DACH2: variants seen among roughly 807,000 people sequenced by gnomAD.
DACH2 encodes dachshund family transcription factor 2.
In DACH2, 17 loss-of-function variants were observed where a neutral mutation model predicts 35.8. The ratio of observed to expected loss-of-function variants is 0.48; its 90% CI spans 0.33 to 0.71. The LOEUF (loss-of-function observed/expected upper bound fraction) is 0.71. Ranked by LOEUF, DACH2 falls within the 30% of genes least tolerant of loss-of-function variation. DACH2 has a pLI of 0.02. For missense variants in DACH2, 469 were observed against 472.7 expected (o/e 0.99, Z 0.07); for synonymous variants, 195 against 177.3 (o/e 1.10, Z -0.79).
intron 2 of DACH2, among the ~76,000 whole-genome samples, chrX:86,452,749 T>A (rs1228380137): frequency 9.0e-6 from 1 of 111,232 alleles, no homozygotes; most frequent in East Asian, 2.8e-4. Context: ...TCTATTTTAT[T>A]AATTTTTTAA....
At chrX:86,385,365 G>A (rs1318632595) in intron 2 of DACH2, among the ~76,000 whole-genome samples, 2 of 111,264 alleles carry the variant, frequency 1.8e-5, no homozygotes, top group Non-Finnish European at 3.8e-5. Context: ...TTTAAAAATG[G>A]TGTATACATA....
At chrX:86,399,082 A>G (rs991174581) in intron 2 of DACH2, among the ~76,000 whole-genome samples, 1 of 111,912 alleles carries the variant, frequency 8.9e-6, no homozygotes, top group Non-Finnish European at 1.9e-5. Flanking sequence ...TATTGGGTGC[A>G]TATATATTTA....
chrX:86,286,288 C>A (rs1438012838), intron 1 of DACH2, among the ~76,000 whole-genome samples: 1 of 107,881 alleles, frequency 9.3e-6, no homozygotes, highest in Non-Finnish European at 1.9e-5. Context: ...CCACCGCGCC[C>A]GGCTAATTTT....
chrX:86,442,022 G>T (rs902431997), intron 2 of DACH2, among the ~76,000 whole-genome samples: 1 of 109,446 alleles, frequency 9.1e-6, no homozygotes, highest in African/African-American at 3.3e-5. Context: ...ATGCCACCAT[G>T]CCCAGTTATC....
chrX:86,334,696 C>A (rs1329765955), intron 1 of DACH2, among the ~76,000 whole-genome samples: 1 of 111,862 alleles, frequency 8.9e-6, no homozygotes, highest in African/African-American at 3.2e-5. Flanking sequence ...CGTCTTCTCC[C>A]ATTCTGTAGG....
chrX:86,489,991 A>G (rs1043674493), intron 2 of DACH2, among the ~76,000 whole-genome samples: 7 of 112,226 alleles, frequency 6.2e-5, no homozygotes, highest in Non-Finnish European at 1.1e-4. Context: ...ATTAACGTTT[A>G]CTTAAGAAAA....
chrX:86,719,943 CT>C (rs35089560), intron 6 of DACH2, among the ~76,000 whole-genome samples: 30 of 63,558 alleles, frequency 4.7e-4, no homozygotes, highest in Admixed American at 8.8e-4. Context: ...TTTTTTTTTT[CT>C]TTTTTTTTTT....
rs772902653 is a variant in DACH2, at chrX:86,305,978, AC to A, written c.489-70845del. Among the ~76,000 whole-genome samples, 306 of 112,138 alleles carry A rather than the reference AC, an allele frequency of 2.7e-3. 6 individuals are homozygous for A. Among genetic ancestry groups the A allele is most frequent in the Admixed American group, 0.025 (267 of 10,541 alleles). Reference sequence around the variant, plus strand: ...CTGGCAATGATACGGTTAAAAGAGAACTTTTATACACTGTTGGTGGGAATGT... The same window carrying A: ...CTGGCAATGATACGGTTAAAAGAGAATTTTATACACTGTTGGTGGGAATGT... On this transcript the variant is annotated intron_variant, in intron 1 of 11. Coordinates refer to ENST00000373125, the MANE Select transcript of DACH2 (RefSeq NM_053281.3).
chrX:86,794,281 G>A (rs1232480933), intron 7 of DACH2, among the ~76,000 whole-genome samples: 1 of 110,541 alleles, frequency 9.0e-6, no homozygotes, highest in Non-Finnish European at 1.9e-5. Context: ...GTATGCCACA[G>A]TACTAATGGG....
intron 1 of DACH2, among the ~76,000 whole-genome samples, chrX:86,177,456 T>C (rs887570733): frequency 8.9e-6 from 1 of 111,948 alleles, no homozygotes; most frequent in Non-Finnish European, 1.9e-5. Flanking sequence ...TCTGTGACCT[T>C]AGAGGTTTGG....
At chrX:86,396,911 T>A (rs1163340686) in intron 2 of DACH2, among the ~76,000 whole-genome samples, 2 of 111,270 alleles carry the variant, frequency 1.8e-5, no homozygotes, top group African/African-American at 6.6e-5. Flanking sequence ...AGTAGTTTAT[T>A]TCCAATTCTG....
At chrX:86,801,591 T>C (rs1199153437) in intron 7 of DACH2, among the ~76,000 whole-genome samples, 1 of 112,119 alleles carries the variant, frequency 8.9e-6, no homozygotes, top group East Asian at 2.8e-4. Context: ...TGCACAGTTA[T>C]TAGTGAGCAT....
intron 3 of DACH2, among the ~76,000 whole-genome samples, chrX:86,554,794 T>G (rs1265405635): frequency 8.9e-6 from 1 of 111,950 alleles, no homozygotes; most frequent in Non-Finnish European, 1.9e-5. Context: ...TACCTTGTTA[T>G]GAATTGCATA....
intron 2 of DACH2, among the ~76,000 whole-genome samples, chrX:86,422,574 G>A (rs2036822739): frequency 9.1e-6 from 1 of 110,221 alleles, no homozygotes; most frequent in South Asian, 3.8e-4. Flanking sequence ...ATATTTATTG[G>A]GAACATGGAA....
chrX:86,643,029 A>G (rs1006750994), intron 3 of DACH2, among the ~76,000 whole-genome samples: 1 of 110,823 alleles, frequency 9.0e-6, no homozygotes, highest in Non-Finnish European at 1.9e-5. Context: ...TAACAATCTA[A>G]TTTCACAACA....
intron 6 of DACH2, among the ~76,000 whole-genome samples, chrX:86,717,329 A>G (rs1309253448): frequency 2.7e-5 from 3 of 110,980 alleles, no homozygotes; most frequent in African/African-American, 9.8e-5. Flanking sequence ...AACATATGGT[A>G]TTTGTCTTTC....
chrX:86,601,773 T>C (rs1320552326), intron 3 of DACH2, among the ~76,000 whole-genome samples: 2 of 112,478 alleles, frequency 1.8e-5, no homozygotes, highest in African/African-American at 6.4e-5. Flanking sequence ...AGTAACTTTT[T>C]CAAAGTCACA....
chrX:86,572,994 T>G lies in DACH2; in HGVS notation c.640+58603T>G, dbSNP rs189063036. On this transcript the variant is annotated intron_variant, in intron 3 of 11. Coordinates refer to ENST00000373125, the MANE Select transcript of DACH2 (RefSeq NM_053281.3). Reference sequence around the variant, plus strand: ...TTCCTTATGTTTGCTAAATTTGATTTCTGTTTGCTCTTATTTAACTTAGGT... The same window carrying G: ...TTCCTTATGTTTGCTAAATTTGATTGCTGTTTGCTCTTATTTAACTTAGGT... Among the ~76,000 whole-genome samples, 57 of 111,686 alleles carry G rather than the reference T, an allele frequency of 5.1e-4. 1 individual carries two copies. In the East Asian group the frequency reaches 0.015, roughly 29 times the overall value.
intron 1 of DACH2, among the ~76,000 whole-genome samples, chrX:86,316,686 G>A (rs1036714585): frequency 2.7e-5 from 3 of 111,359 alleles, no homozygotes; most frequent in African/African-American, 9.8e-5. Context: ...GGGAACAGCA[G>A]CTAGGGCTCC....
Sources: gnomAD v4.1 joint callset for allele counts (sites outside exome capture counted in the v4.1 genomes callset) on GRCh38, gnomAD v4.1.1 for gene constraint, MANE v1.5 for transcripts, NCBI Gene and HGNC (gene_info 2026-07-23, HGNC 2026-07-21) for gene names.